Variants in SOX5 observed in about 807,000 individuals in gnomAD.
SOX5 encodes the protein transcription factor SOX-5.
In SOX5, 9 loss-of-function variants were observed where a neutral mutation model predicts 92.0. The ratio of observed to expected loss-of-function variants is 0.10; its 90% confidence interval spans 0.06 to 0.17. The LOEUF is 0.17. Among genes scored for constraint, SOX5 ranks in the 10% least tolerant of loss-of-function variants. The pLI is 1.00. For synonymous variants in SOX5, 344 were observed against 336.3 expected (o/e 1.02, Z -0.25); for missense variants, 642 against 944.5 (o/e 0.68, Z 4.20).
intron 1 of SOX5, among the ~76,000 whole-genome samples, chr12:24,386,627 G>A (rs1304838290): frequency 1.3e-5 from 2 of 152,082 alleles, no homozygotes; most frequent in African/African-American, 4.8e-5. Flanking sequence ...TCATATACTT[G>A]GGGAATACCT....
chr12:24,496,016 A>G (rs1947599425), intron 1 of SOX5, among the ~76,000 whole-genome samples: 1 of 152,200 alleles, frequency 6.6e-6, no homozygotes, highest in Non-Finnish European at 1.5e-5. Flanking sequence ...ATTCAGTTGA[A>G]TGTGCCACAG....
intron 4 of SOX5, among the ~76,000 whole-genome samples, chr12:24,110,783 C>T (rs1034692255): frequency 6.6e-6 from 1 of 151,260 alleles, no homozygotes; most frequent in African/African-American, 2.4e-5. Flanking sequence ...CGCCTGTAGG[C>T]CCAGCTACTC....
intron 4 of SOX5, among the ~76,000 whole-genome samples, chr12:24,093,999 C>T (rs866135134): frequency 9.9e-5 from 15 of 152,100 alleles, no homozygotes; most frequent in African/African-American, 1.9e-4. Context: ...CAGGCTGGAG[C>T]GCAATGGTGT....
At chr12:23,576,690 C>T (rs893302946) in intron 9 of SOX5, among the ~76,000 whole-genome samples, 3 of 152,034 alleles carry the variant, frequency 2.0e-5, no homozygotes, top group African/African-American at 7.2e-5. Flanking sequence ...TAATTTCATA[C>T]ATGAGACTTA....
At chr12:23,699,896 C>T (rs752520173) in intron 6 of SOX5, among the ~76,000 whole-genome samples, 29 of 152,090 alleles carry the variant, frequency 1.9e-4, no homozygotes, top group Non-Finnish European at 1.8e-4. Context: ...ATAGTTGATG[C>T]CCTACTTTAC....
intron 2 of SOX5, among the ~76,000 whole-genome samples, chr12:24,355,262 AGGTGTG>A (rs1954658500): frequency 7.5e-6 from 1 of 133,974 alleles, no homozygotes; most frequent in Non-Finnish European, 1.5e-5. Context: ...AGGAGTTAGC[AGGTGTG>A]GTGAGGGGTG....
At chr12:23,758,388 G>GTTTTTTTTTTTT (rs61280264) in intron 3 of SOX5, among the ~76,000 whole-genome samples, 1 of 144,110 alleles carries the variant, frequency 6.9e-6, no homozygotes. Flanking sequence ...CTTGAACTAA[G>GTTTTTTTTTTTT]TTTTTTTTTT....
At chr12:24,062,021 AC>A (rs755302166) in intron 4 of SOX5, among the ~76,000 whole-genome samples, 2 of 152,236 alleles carry the variant, frequency 1.3e-5, no homozygotes, top group Admixed American at 1.3e-4. Flanking sequence ...GATTAAAAAA[AC>A]AATATTAACA....
In SOX5 at chr12:24,095,108, CACACACACACACACACACACAGAGAG is replaced by C. The variant is rs58120850; in HGVS notation, c.-2+118209_-2+118234del. Among the ~76,000 whole-genome samples, 407 of 104,468 alleles carry C rather than the reference CACACACACACACACACACACAGAGAG, an allele frequency of 3.9e-3. 13 individuals carry two copies. The East Asian group carries it at 0.092, about 24-fold the overall frequency. The allele number at this position is 104,468 out of a possible 152,430, so 68.5% of individuals were successfully genotyped here. A position where few individuals can be genotyped will look rare whatever the true frequency, so the allele number is the denominator to read the frequency against. On this transcript the variant is annotated intron_variant, in intron 4 of 4. Coordinates refer to the SOX5 transcript ENST00000446891. Reference sequence around the variant, plus strand: ...GCCCCGAAACACACACACACACACACACACACACACACACACACACAGAGAGAGAGAGAGAGAGAGAGAGAGAGACA... The same window carrying C: ...GCCCCGAAACACACACACACACACACAGAGAGAGAGAGAGAGAGAGAGACA...
At chr12:24,296,954 CACACACAA>C (rs1441167616) in intron 2 of SOX5, among the ~76,000 whole-genome samples, 14 of 151,966 alleles carry the variant, frequency 9.2e-5, no homozygotes, top group African/African-American at 3.1e-4. Context: ...CACACACACA[CACACACAA>C]ACACAGAGGG....
intron 3 of SOX5, among the ~76,000 whole-genome samples, chr12:23,831,585 A>T (rs1319040751): frequency 6.6e-6 from 1 of 152,088 alleles, no homozygotes; most frequent in Admixed American, 6.6e-5. Flanking sequence ...AACTCATTGC[A>T]TTATTTGCAT....
intron 1 of SOX5, among the ~76,000 whole-genome samples, chr12:24,412,869 C>T (rs1181048088): frequency 6.7e-6 from 1 of 150,208 alleles, no homozygotes; most frequent in Non-Finnish European, 1.5e-5. Context: ...ATTCTCCTGG[C>T]CTCAGCATCC....
chr12:24,541,617 T>C (rs1597769047), intron 1 of SOX5, among the ~76,000 whole-genome samples: 2 of 152,334 alleles, frequency 1.3e-5, no homozygotes, highest in East Asian at 3.9e-4. Context: ...AGAAGGATGT[T>C]TCATGGTTAA....
chr12:24,458,566 T>C (rs1046667340), intron 1 of SOX5, among the ~76,000 whole-genome samples: 2 of 152,126 alleles, frequency 1.3e-5, no homozygotes, highest in South Asian at 2.1e-4. Context: ...GACCCAGATA[T>C]AGATGTTTTT....
intron 4 of SOX5, among the ~76,000 whole-genome samples, chr12:23,988,232 T>C (rs1179803353): frequency 6.6e-6 from 1 of 152,214 alleles, no homozygotes; most frequent in East Asian, 1.9e-4. Flanking sequence ...TTTGGCCATG[T>C]AATACTTAAG....
chr12:23,960,878 T>C (rs1013967185), intron 4 of SOX5, among the ~76,000 whole-genome samples: 2 of 152,064 alleles, frequency 1.3e-5, no homozygotes, highest in African/African-American at 4.8e-5. Context: ...AAGTGGGAAC[T>C]GGACAGATAG....
chr12:24,397,650 A>G (rs1960381052), intron 1 of SOX5, among the ~76,000 whole-genome samples: 1 of 151,992 alleles, frequency 6.6e-6, no homozygotes, highest in Non-Finnish European at 1.5e-5. Context: ...TAACATGAAA[A>G]TGAGTATTCA....
At chr12:23,774,051 G>A (rs535566690) in intron 3 of SOX5, among the ~76,000 whole-genome samples, 30 of 152,106 alleles carry the variant, frequency 2.0e-4, no homozygotes, top group South Asian at 6.2e-4. Flanking sequence ...ATGCCCACTC[G>A]CCTTACAGAG....
chr12:24,515,663 T>A (rs1026357651), intron 1 of SOX5, among the ~76,000 whole-genome samples: 6 of 152,176 alleles, frequency 3.9e-5, no homozygotes, highest in Admixed American at 3.3e-4. Flanking sequence ...TACTTACCAA[T>A]TCACCTAGCA....
Sources: gnomAD v4.1 joint callset for allele counts (sites outside exome capture counted in the v4.1 genomes callset) on GRCh38, gnomAD v4.1.1 for gene constraint, MANE v1.5 for transcripts, NCBI Gene and HGNC (gene_info 2026-07-23, HGNC 2026-07-21) for gene names.